The following CEP63 variants were observed in gnomAD, a reference collection of about 807,000 sequenced individuals.
CEP63 encodes centrosomal protein 63.
CEP63 carries 84 observed loss-of-function variants against 89.1 expected under a neutral mutation model. The ratio of observed to expected loss-of-function variants is 0.94; its 90% CI spans 0.79 to 1.13. The LOEUF is 1.13. Ranked by LOEUF, CEP63 falls within the 50% of genes most tolerant of loss-of-function variation. The pLI is 0.00. For missense variants in CEP63, 838 were observed against 813.3 expected, an observed-to-expected ratio of 1.03 and a Z score of -0.37; for synonymous variants, 267 against 272.5, an observed-to-expected ratio of 0.98 and a Z score of 0.20.
chr3:134,698,997 T>C, the CEP63 span, among the ~76,000 whole-genome samples: 2 of 152,158 alleles, frequency 1.3e-5, no homozygotes, highest in African/African-American at 4.8e-5. Flanking sequence ...GAGGAAATAC[T>C]GAGGCCTCTC....
the CEP63 span, among the ~76,000 whole-genome samples, chr3:134,678,039 C>T: frequency 6.6e-6 from 1 of 152,056 alleles, no homozygotes; most frequent in African/African-American, 2.4e-5. Flanking sequence ...CCTGCTCAAA[C>T]CCACAGGGGT....
the CEP63 span, among the ~76,000 whole-genome samples, chr3:134,730,419 T>A: frequency 6.6e-6 from 1 of 152,156 alleles, no homozygotes; most frequent in Non-Finnish European, 1.5e-5. Context: ...ATAATTTCCA[T>A]GTAAGTATTA....
At chr3:134,674,229 A>C in the CEP63 span, among the ~76,000 whole-genome samples, 3 of 152,242 alleles carry the variant, frequency 2.0e-5, no homozygotes, top group Admixed American at 2.0e-4. Flanking sequence ...GAACATATAA[A>C]AAGATAATAC....
intron 2 of CEP63, among the ~76,000 whole-genome samples, chr3:134,506,689 C>G (rs1208369230): frequency 6.6e-6 from 1 of 152,110 alleles, no homozygotes; most frequent in Non-Finnish European, 1.5e-5. Context: ...GAGGCTGAGG[C>G]TGGCCAGATC....
the CEP63 span, chr3:134,603,737 T>C: frequency 6.2e-7 from 1 of 1,612,468 alleles, no homozygotes; most frequent in East Asian, 2.2e-5. Context: ...TCCTGCCCCT[T>C]CACCAGGACT....
chr3:134,686,272 A>T, the CEP63 span, among the ~76,000 whole-genome samples: 1 of 152,142 alleles, frequency 6.6e-6, no homozygotes, highest in East Asian at 1.9e-4. Flanking sequence ...CTCCCTGAAG[A>T]CTTGTTTATT....
At chr3:134,757,542 A>T in the CEP63 span, among the ~76,000 whole-genome samples, 1 of 152,212 alleles carries the variant, frequency 6.6e-6, no homozygotes, top group Non-Finnish European at 1.5e-5. Flanking sequence ...TGGAGGTAGG[A>T]GTAGAAAAAG....
chr3:134,530,530 CAATT>C (rs1324524945), intron 3 of CEP63, among the ~76,000 whole-genome samples: 1 of 152,016 alleles, frequency 6.6e-6, no homozygotes, highest in East Asian at 1.9e-4. Context: ...ATATTTTTCT[CAATT>C]TATTTACCTT....
At chr3:134,777,167 C>A in the CEP63 span, among the ~76,000 whole-genome samples, 1 of 152,190 alleles carries the variant, frequency 6.6e-6, no homozygotes, top group Non-Finnish European at 1.5e-5. Context: ...TTGTATTGAC[C>A]TCTTTGAAAA....
chr3:134,513,674 T>C (rs1945526669), intron 3 of CEP63, among the ~76,000 whole-genome samples: 1 of 152,070 alleles, frequency 6.6e-6, no homozygotes. Flanking sequence ...GGGTCCATGA[T>C]GGCTCTGAAC....
chr3:134,620,799 G>A, the CEP63 span: 4 of 1,613,610 alleles, frequency 2.5e-6, no homozygotes, highest in Non-Finnish European at 2.5e-6. Flanking sequence ...TTCCAGGTCA[G>A]TGTGGGCCTC....
intron 10 of CEP63, among the ~76,000 whole-genome samples, chr3:134,585,309 T>A (rs1407043031): frequency 6.6e-6 from 1 of 152,144 alleles, no homozygotes; most frequent in African/African-American, 2.4e-5. Flanking sequence ...TTTCCTGCCT[T>A]CTCTTGTGGG....
At chr3:134,604,553 C>T in the CEP63 span, 1 of 1,294,626 alleles carries the variant, frequency 7.7e-7, no homozygotes, top group Admixed American at 2.2e-5. Flanking sequence ...CAACTGTCTC[C>T]CTGGGAGAAA....
At chr3:134,604,092 A>G in the CEP63 span, 1 of 1,613,232 alleles carries the variant, frequency 6.2e-7, no homozygotes, top group Non-Finnish European at 8.5e-7. Context: ...AAGCCAGGAC[A>G]TTAATGCCCT....
intron 1 of CEP63, among the ~76,000 whole-genome samples, chr3:134,488,388 C>T (rs1325316601): frequency 1.3e-5 from 2 of 151,284 alleles, no homozygotes; most frequent in African/African-American, 4.9e-5. Flanking sequence ...CCGAGGTGGG[C>T]ATGAGGTCAG....
the CEP63 span, among the ~76,000 whole-genome samples, chr3:134,598,425 C>T: frequency 6.6e-6 from 1 of 152,186 alleles, no homozygotes; most frequent in African/African-American, 2.4e-5. Flanking sequence ...TTATGTCTTT[C>T]CAGAGATGGT....
intron 3 of CEP63, among the ~76,000 whole-genome samples, chr3:134,513,006 T>C (rs894210567): frequency 2.0e-5 from 3 of 152,210 alleles, no homozygotes; most frequent in Non-Finnish European, 4.4e-5. Context: ...CAGGTGTAAA[T>C]CTTCTGCCAT....
downstream of CEP63, among the ~76,000 whole-genome samples, chr3:134,592,693 G>C (rs1958625457): frequency 6.6e-6 from 1 of 152,154 alleles, no homozygotes; most frequent in South Asian, 2.1e-4. Context: ...GGTTTGGGGA[G>C]TTAAATAACA....
the CEP63 span, among the ~76,000 whole-genome samples, chr3:134,730,723 GTAAA>G: frequency 0.026 from 3,984 of 151,878 alleles, 164 homozygotes; most frequent in African/African-American, 0.09. Context: ...AAAGCACATG[GTAAA>G]TGTGCTTTAT....
Sources: allele counts gnomAD v4.1 joint callset (sites outside exome capture counted in the v4.1 genomes callset), GRCh38; gene constraint gnomAD v4.1.1; transcripts MANE v1.5; gene names NCBI Gene and HGNC (gene_info 2026-07-23, HGNC 2026-07-21).